The following AHCYL2 variants were observed in gnomAD, a reference collection of about 807,000 sequenced individuals.
The protein encoded by AHCYL2 is adenosylhomocysteinase like 2.
Under a neutral mutation model 81.4 loss-of-function variants are expected in AHCYL2, and 28 were observed. The ratio of observed to expected loss-of-function variants is 0.34; its 90% CI spans 0.25 to 0.47. The LOEUF (loss-of-function observed/expected upper bound fraction) is 0.47, where lower values mean the gene tolerates loss of function less well. Ranked by LOEUF, AHCYL2 falls within the 20% of genes least tolerant of loss-of-function variation. AHCYL2 has a pLI of 1.00. For missense variants in AHCYL2, 551 were observed against 785.1 expected (o/e 0.70, Z 3.56); for synonymous variants, 272 against 290.2 (o/e 0.94, Z 0.64).
chr7:129,243,018 CTTT>C (rs769701638), intron 1 of AHCYL2, among the ~76,000 whole-genome samples: 1 of 125,596 alleles, frequency 8.0e-6, no homozygotes, highest in Admixed American at 8.4e-5. Context: ...TATTGTTTCT[CTTT>C]TTTTTTTTTT....
At chr7:129,327,021 C>T (rs1017596031) in intron 1 of AHCYL2, among the ~76,000 whole-genome samples, 1 of 152,094 alleles carries the variant, frequency 6.6e-6, no homozygotes, top group Non-Finnish European at 1.5e-5. Flanking sequence ...CTAGAAGATA[C>T]GATTCTTTAC....
intron 1 of AHCYL2, among the ~76,000 whole-genome samples, chr7:129,261,178 C>T (rs117942204): frequency 0.013 from 1,965 of 152,200 alleles, 26 homozygotes; most frequent in Non-Finnish European, 0.017. Context: ...ATTTTCAGCA[C>T]GTTGTTTCTA....
At chr7:129,417,924 G>A (rs1418984999) in intron 12 of AHCYL2, among the ~76,000 whole-genome samples, 1 of 152,192 alleles carries the variant, frequency 6.6e-6, no homozygotes, top group Non-Finnish European at 1.5e-5. Flanking sequence ...AAGACAAATA[G>A]CAAGATAAGG....
chr7:129,225,216 G>T lies in AHCYL2; in HGVS notation c.140G>T (p.Gly47Val). ...AVGAMAPPAG[G>V]GDPEAPAPAA... ...GGCGCCATGGCCCCCCCGGCGGGCG[G>T]TGGAGACCCTGAGGCTCCAGCTCCC... The change falls in exon 1 of 17, where the codon GGT becomes GTT. Residue 47 changes from glycine (G) to valine (V), a missense_variant. Gly to Val is a moderately radical substitution (Grantham distance 109, BLOSUM62 -3). Transcript: ENST00000325006. 1 of 1,532,408 alleles carries T rather than the reference G, an allele frequency of 6.5e-7. No individual in the cohort carries two copies. Among genetic ancestry groups the T allele is most frequent in the Non-Finnish European group, 8.7e-7 (1 of 1,145,882 alleles). 94.9% of individuals were successfully genotyped at this position (1,532,408 alleles called of 1,614,324 possible). A position where few individuals can be genotyped will look rare whatever the true frequency, so the allele number is the denominator to read the frequency against.
chr7:129,315,186 T>C (rs1215108658), intron 1 of AHCYL2, among the ~76,000 whole-genome samples: 1 of 152,208 alleles, frequency 6.6e-6, no homozygotes, highest in East Asian at 1.9e-4. Context: ...CTCTCTTTTC[T>C]TCTCTACACT....
At chr7:129,398,151 G>A (rs568405442) in intron 5 of AHCYL2, among the ~76,000 whole-genome samples, 39 of 151,928 alleles carry the variant, frequency 2.6e-4, no homozygotes, top group African/African-American at 8.9e-4. Context: ...TGGGACTTCA[G>A]GCATGTGCCA....
At chr7:129,290,464 G>A (rs1796802199) in intron 1 of AHCYL2, among the ~76,000 whole-genome samples, 1 of 148,466 alleles carries the variant, frequency 6.7e-6, no homozygotes, top group African/African-American at 2.5e-5. Flanking sequence ...TTGCGCCACT[G>A]CACTCCAGCC....
At chr7:129,269,375 T>C (rs1299884635) in intron 1 of AHCYL2, among the ~76,000 whole-genome samples, 1 of 152,018 alleles carries the variant, frequency 6.6e-6, no homozygotes, top group East Asian at 1.9e-4. Context: ...AACCTCCGCC[T>C]CCTGGGTTCA....
chr7:129,357,668 C>T (rs148439468), intron 1 of AHCYL2, among the ~76,000 whole-genome samples: 1,826 of 152,314 alleles, frequency 0.012, 20 homozygotes, highest in Non-Finnish European at 0.019. Flanking sequence ...GGCGCAGTGG[C>T]TCACGCCTGT....
At chr7:129,257,581 C>G (rs1358351830) in intron 1 of AHCYL2, among the ~76,000 whole-genome samples, 3 of 152,142 alleles carry the variant, frequency 2.0e-5, no homozygotes, top group East Asian at 1.9e-4. Flanking sequence ...AAGGATGGTA[C>G]TTAATCAGAT....
chr7:129,356,321 C>T (rs1275574686), intron 1 of AHCYL2, among the ~76,000 whole-genome samples: 1 of 152,158 alleles, frequency 6.6e-6, no homozygotes, highest in Non-Finnish European at 1.5e-5. Context: ...AGACATATTA[C>T]TGCCCTACTT....
chr7:129,274,957 A>G (rs987556102), intron 1 of AHCYL2, among the ~76,000 whole-genome samples: 1 of 152,188 alleles, frequency 6.6e-6, no homozygotes, highest in Non-Finnish European at 1.5e-5. Flanking sequence ...TTTCCCAGAC[A>G]TCGTCAATCA....
intron 1 of AHCYL2, among the ~76,000 whole-genome samples, chr7:129,336,589 G>C (rs1798611827): frequency 6.6e-6 from 1 of 152,120 alleles, no homozygotes. Flanking sequence ...GAGGCAGGAA[G>C]TATAGAAGTT....
rs916469573 is a variant in AHCYL2 at position 129,429,744 on chromosome 7, T to C, written c.*2699T>C. On this transcript the variant is annotated 3_prime_UTR_variant, in exon 17 of 17. Coordinates refer to ENST00000325006, the MANE Select transcript of AHCYL2 (RefSeq NM_015328.4). ...GAAAAAAAATGTATCTACTCTACCT[T>C]CCCTCTGCTCTCCTCCCTCCCTATC... The C allele has an allele frequency of 6.6e-6, 1 of 152,492 alleles. No individual in the cohort carries two copies. The highest frequency in any genetic ancestry group is 1.5e-5 in the Non-Finnish European group (1 of 68,022). 9.4% of individuals were successfully genotyped at this position (152,492 alleles called of 1,614,324 possible). A position where few individuals can be genotyped will look rare whatever the true frequency, so the allele number is the denominator to read the frequency against.
intron 1 of AHCYL2, among the ~76,000 whole-genome samples, chr7:129,360,068 A>G (rs1793878099): frequency 6.7e-6 from 1 of 148,648 alleles, no homozygotes; most frequent in South Asian, 2.1e-4. Context: ...TCTATATTTA[A>G]TTCATTTTAG....
At chr7:129,282,692 G>C (rs1796487625) in intron 1 of AHCYL2, among the ~76,000 whole-genome samples, 1 of 151,602 alleles carries the variant, frequency 6.6e-6, no homozygotes, top group Non-Finnish European at 1.5e-5. Context: ...TCTTCTTCAT[G>C]GGTCATATTT....
At chr7:129,241,853 AT>A (rs528113784) in intron 1 of AHCYL2, among the ~76,000 whole-genome samples, 1 of 151,234 alleles carries the variant, frequency 6.6e-6, no homozygotes, top group Non-Finnish European at 1.5e-5. Flanking sequence ...CCCTATCTCT[AT>A]TTTTTTTAAA....
At chr7:129,279,978 A>T (rs748531236) in intron 1 of AHCYL2, among the ~76,000 whole-genome samples, 1 of 152,000 alleles carries the variant, frequency 6.6e-6, no homozygotes, top group Non-Finnish European at 1.5e-5. Flanking sequence ...TCTTGTGCCA[A>T]CCTCCTATCT....
At chr7:129,307,720 C>G (rs1797493516) in intron 1 of AHCYL2, among the ~76,000 whole-genome samples, 1 of 151,728 alleles carries the variant, frequency 6.6e-6, no homozygotes, top group Admixed American at 6.6e-5. Flanking sequence ...TGGGACACAC[C>G]TGAAGTCAGC....
Sources: allele counts gnomAD v4.1 joint callset (sites outside exome capture counted in the v4.1 genomes callset), GRCh38; gene constraint gnomAD v4.1.1; transcripts MANE v1.5; gene names NCBI Gene and HGNC (gene_info 2026-07-23, HGNC 2026-07-21).